EPM2A: variants seen among roughly 807,000 people sequenced by gnomAD.
EPM2A encodes EPM2A glucan phosphatase, laforin.
A neutral mutation model predicts 26.5 loss-of-function variants in EPM2A; 21 were observed. The ratio of observed to expected loss-of-function variants is 0.79; its 90% confidence interval spans 0.56 to 1.14. EPM2A has a LOEUF of 1.14. EPM2A is among the 50% of genes most tolerant of loss of function. EPM2A has a pLI of 0.00. For synonymous variants in EPM2A, 217 were observed against 177.6 expected, an observed-to-expected ratio of 1.22 and a Z score of -1.76; for missense variants, 458 against 440.8, an observed-to-expected ratio of 1.04 and a Z score of -0.35.
At chr6:145,589,853 T>C (rs1478346619) in intron 2 of EPM2A, among the ~76,000 whole-genome samples, 1 of 148,708 alleles carries the variant, frequency 6.7e-6, no homozygotes, top group Non-Finnish European at 1.5e-5. Flanking sequence ...AGGGTACCCT[T>C]TGGGGAGCAG....
intron 4 of EPM2A, among the ~76,000 whole-genome samples, chr6:145,388,935 C>CTTTG (rs1326609293): frequency 6.6e-6 from 1 of 151,964 alleles, no homozygotes. Context: ...TGGGTTGGTT[C>CTTTG]CAAGTCTTTG....
At chr6:145,677,242 C>T (rs1780121911) in intron 2 of EPM2A, among the ~76,000 whole-genome samples, 1 of 152,094 alleles carries the variant, frequency 6.6e-6, no homozygotes, top group Admixed American at 6.6e-5. Flanking sequence ...GCCCTTCATG[C>T]TAAAAACTCT....
At chr6:145,457,769 G>A (rs978190357) in intron 4 of EPM2A, among the ~76,000 whole-genome samples, 4 of 152,160 alleles carry the variant, frequency 2.6e-5, no homozygotes, top group Non-Finnish European at 5.9e-5. Flanking sequence ...TTTTTCTTCT[G>A]AGCAGCCAGT....
At chr6:145,522,367 G>A (rs183804716) in intron 2 of EPM2A, among the ~76,000 whole-genome samples, 2 of 152,054 alleles carry the variant, frequency 1.3e-5, no homozygotes, top group South Asian at 2.1e-4. Context: ...ATGTCCTGGG[G>A]TTAACTCACC....
exon 4 of EPM2A, chr6:145,501,802 G>A (rs1032682593): frequency 1.7e-5 from 8 of 470,990 alleles, no homozygotes; most frequent in Admixed American, 1.6e-4. Context: ...GGAGATATTT[G>A]TGTCTTACTT....
At chr6:145,611,343 C>T (rs1211614273) in intron 2 of EPM2A, among the ~76,000 whole-genome samples, 2 of 151,886 alleles carry the variant, frequency 1.3e-5, no homozygotes, top group African/African-American at 4.8e-5. Flanking sequence ...ATTTAGACAA[C>T]TTCGACTTCT....
chr6:145,466,649 A>G (rs1435211286), intron 4 of EPM2A, among the ~76,000 whole-genome samples: 3 of 152,140 alleles, frequency 2.0e-5, no homozygotes, highest in Admixed American at 6.5e-5. Context: ...CTGGGTATAT[A>G]CCCAAAGGAC....
intron 4 of EPM2A, among the ~76,000 whole-genome samples, chr6:145,482,456 AAGCTGTTAAAAGGTGGTATGTTTGATC>A (rs1562352636): frequency 6.6e-6 from 1 of 152,120 alleles, no homozygotes; most frequent in Non-Finnish European, 1.5e-5. Context: ...GTGACAATAA[AAGCTGTTAAAAGGTGGTATGTTTGATC>A]ACAGTCCATG....
At chr6:145,562,056 A>G (rs1780812772) in intron 2 of EPM2A, among the ~76,000 whole-genome samples, 1 of 151,130 alleles carries the variant, frequency 6.6e-6, no homozygotes, top group Admixed American at 6.6e-5. Context: ...CAGAACTTAA[A>G]TTTTTCCAAA....
Position 145,685,314 on chromosome 6 carries a change from A to G in EPM2A, c.476+808T>C, listed in dbSNP as rs183606033. Among the ~76,000 whole-genome samples, 344 of 152,298 alleles carry G rather than the reference A, an allele frequency of 2.3e-3. 1 individual carries two copies. The highest frequency in any genetic ancestry group is 3.4e-3 in the Non-Finnish European group (234 of 68,026). ...CTTACAATGTAGGAAACTAGGAGAC[A>G]CTGTGAAAAATTGATGGGTCAAGAC... On this transcript the variant is annotated intron_variant, in intron 2 of 3. Coordinates refer to ENST00000367519, the MANE Select transcript of EPM2A (RefSeq NM_005670.4).
At chr6:145,535,437 G>GGTGGGATCT (rs967730154) in intron 2 of EPM2A, among the ~76,000 whole-genome samples, 3 of 152,172 alleles carry the variant, frequency 2.0e-5, no homozygotes, top group African/African-American at 7.2e-5. Context: ...ATTGGTTTGA[G>GGTGGGATCT]GTGGGATCTG....
intron 1 of EPM2A, among the ~76,000 whole-genome samples, chr6:145,728,008 T>TC (rs1201903193): frequency 1.3e-5 from 2 of 152,080 alleles, no homozygotes; most frequent in African/African-American, 2.4e-5. Flanking sequence ...GTGTAGCACT[T>TC]CCCCCTTCTC....
At chr6:145,441,993 A>T (rs1779069156) in intron 4 of EPM2A, among the ~76,000 whole-genome samples, 1 of 152,218 alleles carries the variant, frequency 6.6e-6, no homozygotes, top group Non-Finnish European at 1.5e-5. Flanking sequence ...TCAAGTTTAA[A>T]GTTCCACAAA....
chr6:145,447,675 T>C (rs1407179332), intron 4 of EPM2A, among the ~76,000 whole-genome samples: 2 of 152,142 alleles, frequency 1.3e-5, no homozygotes, highest in African/African-American at 4.8e-5. Flanking sequence ...AAACATACCT[T>C]ACTGTGAAAG....
At chr6:145,389,068 C>T (rs1200945103) in intron 4 of EPM2A, among the ~76,000 whole-genome samples, 2 of 152,066 alleles carry the variant, frequency 1.3e-5, no homozygotes, top group Non-Finnish European at 2.9e-5. Flanking sequence ...AGTTCTAGAT[C>T]CTTGAGGAAT....
At chr6:145,587,605 C>G (rs1215177493) in intron 2 of EPM2A, among the ~76,000 whole-genome samples, 2 of 152,174 alleles carry the variant, frequency 1.3e-5, no homozygotes, top group Non-Finnish European at 2.9e-5. Flanking sequence ...AAATTGAGGA[C>G]AGAAGGGACT....
intron 4 of EPM2A, among the ~76,000 whole-genome samples, chr6:145,429,246 T>A (rs1006474882): frequency 6.6e-6 from 1 of 152,164 alleles, no homozygotes; most frequent in Non-Finnish European, 1.5e-5. Context: ...TCTAACCAAG[T>A]AATGTTTTCA....
At chr6:145,654,745 T>TAG (rs1778140217) in intron 2 of EPM2A, among the ~76,000 whole-genome samples, 1 of 152,236 alleles carries the variant, frequency 6.6e-6, no homozygotes, top group African/African-American at 2.4e-5. Flanking sequence ...TATGGCTTGA[T>TAG]AACTGTCTAC....
At chr6:145,433,810 T>G (rs529522859) in intron 4 of EPM2A, among the ~76,000 whole-genome samples, 63 of 152,310 alleles carry the variant, frequency 4.1e-4, no homozygotes, top group Non-Finnish European at 7.5e-4. Context: ...GAGGACTTAC[T>G]GTGGTTTTGT....
Sources: gnomAD v4.1 joint callset for allele counts (sites outside exome capture counted in the v4.1 genomes callset) on GRCh38, gnomAD v4.1.1 for gene constraint, MANE v1.5 for transcripts, NCBI Gene and HGNC (gene_info 2026-07-23, HGNC 2026-07-21) for gene names.